The following API5 variants were observed in gnomAD, a reference collection of about 807,000 sequenced individuals.
The protein encoded by API5 is FIF.
Under a neutral mutation model 71.9 loss-of-function variants are expected in API5, and 6 were observed. The ratio of observed to expected loss-of-function variants is 0.08; its 90% CI spans 0.05 to 0.16. The LOEUF (loss-of-function observed/expected upper bound fraction) is 0.16. Ranked by LOEUF, API5 falls within the 10% of genes least tolerant of loss-of-function variation. The pLI, the probability that API5 is intolerant of heterozygous loss-of-function variation, is 1.00. For missense variants in API5, 332 were observed against 612.8 expected (o/e 0.54, Z 4.84); for synonymous variants, 189 against 221.3 (o/e 0.85, Z 1.30).
rs547410452 is a variant in API5 at position 43,336,054 on chromosome 11, T to G, written c.1492+60T>G. 9 of 1,572,458 alleles carry G rather than the reference T, an allele frequency of 5.7e-6. No homozygotes were observed. In the African/African-American group the frequency reaches 1.2e-4, roughly 21 times the overall value. ...AGATTAGGCAGAAATTGTGTTATAC[T>G]TTATTTTAATTAGTAATTATATACA... On this transcript the variant is annotated intron_variant, in intron 13 of 13. Coordinates refer to ENST00000531273, the MANE Select transcript of API5 (RefSeq NM_001142930.2).
intron 1 of API5, chr11:43,318,324 A>T: frequency 1.7e-6 from 2 of 1,211,634 alleles, no homozygotes; most frequent in Non-Finnish European, 2.3e-6. Flanking sequence ...CAAATTTTTT[A>T]AGCATGATAC....
intron 1 of API5, among the ~76,000 whole-genome samples, chr11:43,315,799 T>C (rs1018653601): frequency 3.9e-5 from 6 of 152,152 alleles, no homozygotes; most frequent in Non-Finnish European, 8.8e-5. Context: ...TGATCTCCTT[T>C]TCCACTGTAC....
intron 1 of API5, among the ~76,000 whole-genome samples, chr11:43,315,295 C>T (rs978535787): frequency 8.5e-5 from 13 of 152,070 alleles, no homozygotes; most frequent in Non-Finnish European, 1.9e-4. Context: ...CCCCTTGGTA[C>T]GATGTACTTA....
At chr11:43,318,548 T>C in intron 1 of API5, 92 bp from the exon 2 acceptor site, 1 of 1,580,290 alleles carries the variant, frequency 6.3e-7, no homozygotes, top group Non-Finnish European at 8.6e-7. Context: ...TGTAAAAATT[T>C]AAAGCACACT....
intron 8 of API5, 119 bp from the exon 9 acceptor site, chr11:43,328,593 G>A: frequency 1.2e-6 from 1 of 866,056 alleles, no homozygotes; most frequent in Non-Finnish European, 1.8e-6. Flanking sequence ...CCAAATGTCT[G>A]GTTTTGGTAG....
At chr11:43,317,738 T>TG (rs1487719509) in intron 1 of API5, among the ~76,000 whole-genome samples, 1 of 152,222 alleles carries the variant, frequency 6.6e-6, no homozygotes, top group African/African-American at 2.4e-5. Context: ...AATGCAGTGG[T>TG]GCGATCTCAG....
At chr11:43,330,855 T>A (rs1424275635) in intron 11 of API5, among the ~76,000 whole-genome samples, 1 of 152,236 alleles carries the variant, frequency 6.6e-6, no homozygotes, top group African/African-American at 2.4e-5. Flanking sequence ...GTTTGTTTTT[T>A]ATAAACTTGA....
At position 43,337,332 on chromosome 11, in the gene API5, T is replaced by TA. The variant is rs566797364; in HGVS notation, c.1492+1347dup. Among the ~76,000 whole-genome samples, 44 of 150,878 alleles carry TA rather than the reference T, an allele frequency of 2.9e-4. 1 individual carries two copies. The South Asian group carries it at 7.1e-3, about 24-fold the overall frequency. ...CCAAGCAAGACCCTGTCTCTTAAAA[T>TA]AAAAAAAAAGTAGATTCTGAACCAT... On this transcript the variant is annotated intron_variant, in intron 13 of 13. Coordinates refer to ENST00000531273, the MANE Select transcript of API5 (RefSeq NM_001142930.2).
At chr11:43,321,155 T>A (rs539516951) in intron 3 of API5, among the ~76,000 whole-genome samples, 1 of 152,326 alleles carries the variant, frequency 6.6e-6, no homozygotes, top group South Asian at 2.1e-4. Flanking sequence ...TTGGGCATTT[T>A]GATATATCAT....
chr11:43,336,203 T>A, intron 13 of API5: 1 of 538,170 alleles, frequency 1.9e-6, no homozygotes, highest in Non-Finnish European at 3.0e-6. Context: ...ACATGCAACA[T>A]TAAACAGTAA....
chr11:43,336,164 C>A, intron 13 of API5, 170 bp downstream of exon 13: 1 of 863,158 alleles, frequency 1.2e-6, no homozygotes, highest in Admixed American at 3.2e-5. Context: ...ATTCCTCTCT[C>A]ATTCACCCTT....
At chr11:43,333,387 C>T (rs1038832139) in intron 11 of API5, among the ~76,000 whole-genome samples, 54 of 152,252 alleles carry the variant, frequency 3.5e-4, no homozygotes, top group African/African-American at 1.3e-3. Flanking sequence ...AGCAGAATTA[C>T]ACCAAAGAAT....
Position 43,318,650 on chromosome 11 carries a change from C to T in API5, c.80C>T (p.Ala27Val), listed in dbSNP as rs200771952. ...TATTTTTTATTTCAGCATAAAGATG[C>T]CTATCAAGTGATATTGGATGGTGTG... ...ATEQVGQHKD[A>V]YQVILDGVKG... The change falls in exon 2 of 14, where the codon GCC becomes GTC. Residue 27 changes from alanine to valine, a missense_variant. By Grantham distance (64) the Ala-to-Val change is moderately conservative. Transcript: ENST00000531273. The T allele has an allele frequency of 6.2e-7, 1 of 1,612,748 alleles. No individual in the cohort carries two copies. The highest frequency in any genetic ancestry group is 1.3e-5 in the African/African-American group (1 of 75,022).
At position 43,328,820 on chromosome 11, in the gene API5, C is replaced by A. The variant is rs1475666501; in HGVS notation, c.1054C>A (p.Gln352Lys). ...YVECLLYSFH[Q>K]LGRKLPDFLT... ...GGAATGTTTGTTGTACAGTTTTCAC[C>A]AGTTGGGCCGAAAACTTCCAGATTT... The change falls in exon 9 of 14, where the codon CAG becomes AAG. Residue 352 changes from glutamine (Q) to lysine (K), a missense_variant. Gln to Lys is a moderately conservative substitution (Grantham distance 53). Coordinates refer to ENST00000531273, the MANE Select transcript of API5 (RefSeq NM_001142930.2). The A allele has an allele frequency of 6.2e-7, 1 of 1,613,890 alleles. No homozygotes were observed. The highest frequency in any genetic ancestry group is 1.3e-5 in the African/African-American group (1 of 74,826).
At position 43,328,863 on chromosome 11, in the gene API5, A is replaced by G; in HGVS notation, c.1097A>G (p.Asn366Ser). The G allele has an allele frequency of 6.2e-7, 1 of 1,614,052 alleles. No homozygotes were observed. The highest frequency in any genetic ancestry group is 8.5e-7 in the Non-Finnish European group (1 of 1,179,988). The change falls in exon 9 of 14, where the codon AAT becomes AGT. Residue 366 changes from asparagine to serine, a missense_variant. Coordinates refer to ENST00000531273, the MANE Select transcript of API5 (RefSeq NM_001142930.2). Reference protein sequence around the residue: ...KLPDFLTAKLNAEKLKDFKIR... With the variant: ...KLPDFLTAKLSAEKLKDFKIR... ...CCAGATTTCTTAACAGCCAAACTGA[A>G]TGCAGAAAAGCTCAAAGATTTCAAA...
chr11:43,314,461 C>G (rs552033946), intron 1 of API5, among the ~76,000 whole-genome samples: 1 of 152,232 alleles, frequency 6.6e-6, no homozygotes, highest in African/African-American at 2.4e-5. Flanking sequence ...TCTTTCACAG[C>G]AAAAATCTAC....
At position 43,312,107 on chromosome 11, in the gene API5, G is replaced by C. The variant is rs777997540; in HGVS notation, c.-21G>C. ...GTCAGGACAAGGATAGCGGAACCGG[G>C]CCCTGGGCTTGTCGCTCACCATGCC... On this transcript the variant is annotated 5_prime_UTR_variant, in exon 1 of 14. Coordinates refer to ENST00000531273, the MANE Select transcript of API5 (RefSeq NM_001142930.2). 1 of 1,613,194 alleles carries C rather than the reference G, an allele frequency of 6.2e-7. No homozygotes were observed. Among genetic ancestry groups the C allele is most frequent in the Non-Finnish European group, 8.5e-7 (1 of 1,179,828 alleles).
At chr11:43,329,551 A>G (rs1246633506) in intron 9 of API5, among the ~76,000 whole-genome samples, 1 of 152,186 alleles carries the variant, frequency 6.6e-6, no homozygotes, top group Non-Finnish European at 1.5e-5. Context: ...TAATAAGACA[A>G]TGAATGTACA....
chr11:43,312,744 G>A (rs1010418680), intron 1 of API5, among the ~76,000 whole-genome samples: 2 of 152,112 alleles, frequency 1.3e-5, no homozygotes, highest in East Asian at 1.9e-4. Context: ...AGTGCCGAGC[G>A]CTGGAGATAC....
Sources: gnomAD v4.1 joint callset for allele counts (sites outside exome capture counted in the v4.1 genomes callset) on GRCh38, gnomAD v4.1.1 for gene constraint, MANE v1.5 for transcripts, NCBI Gene and HGNC (gene_info 2026-07-23, HGNC 2026-07-21) for gene names.